The following GSE1 variants were observed in gnomAD, a reference collection of about 807,000 sequenced individuals.
The protein encoded by GSE1 is genetic suppressor element 1.
A neutral mutation model predicts 112.6 loss-of-function variants in GSE1; 32 were observed. The observed-to-expected ratio is 0.28, with a 90% CI of 0.21 to 0.38. The LOEUF (loss-of-function observed/expected upper bound fraction) is 0.38. GSE1 is among the 10% of genes least tolerant of loss of function. The probability of loss-of-function intolerance (pLI) is 1.00; values close to 1 mark genes in which losing one functional copy is unlikely to be tolerated. For synonymous variants in GSE1, 1,115 were observed against 735.6 expected, an observed-to-expected ratio of 1.52 and a Z score of -8.35; for missense variants, 2,348 against 1,699.2, an observed-to-expected ratio of 1.38 and a Z score of -6.71.
At chr16:85,285,228 G>T (rs1414341565) in intron 1 of GSE1, 1 of 152,168 alleles carries the variant, frequency 6.6e-6, no homozygotes, top group Non-Finnish European at 1.5e-5. Context: ...GTCATTTCTG[G>T]GGTTCTTCCT....
rs1176567743 is a variant in GSE1, at chr16:85,441,041, G to A, written c.2464+83398G>A. On this transcript the variant is annotated intron_variant, in intron 2 of 2. Transcript: ENST00000637419. ...CACACCTGAGGAACGAGGGGCTGGC[G>A]GGGAGATGGGTGGCAGCTGATCCCA... Among the ~76,000 whole-genome samples, 11 of 152,216 alleles carry A rather than the reference G, an allele frequency of 7.2e-5. No individual in the cohort carries two copies. The East Asian group carries it at 1.5e-3, about 21-fold the overall frequency.
At chr16:85,601,492 C>G (rs2047462277) in intron 1 of GSE1, among the ~76,000 whole-genome samples, 1 of 152,042 alleles carries the variant, frequency 6.6e-6, no homozygotes, top group African/African-American at 2.4e-5. Context: ...TGGCAAGAGG[C>G]AGAGCTGAGG....
chr16:85,244,137 T>C (rs895386425), intron 1 of GSE1, among the ~76,000 whole-genome samples: 1 of 151,678 alleles, frequency 6.6e-6, no homozygotes, highest in Non-Finnish European at 1.5e-5. Context: ...CAAAAAAAAG[T>C]GGGGGGCATT....
At chr16:85,404,125 C>G (rs1393053927) in intron 2 of GSE1, among the ~76,000 whole-genome samples, 10 of 131,572 alleles carry the variant, frequency 7.6e-5, no homozygotes, top group African/African-American at 2.6e-4. Flanking sequence ...CTGTTACACT[C>G]AGGGCCCCCC....
At chr16:85,320,222 G>A (rs1162240725) in intron 1 of GSE1, among the ~76,000 whole-genome samples, 1 of 152,216 alleles carries the variant, frequency 6.6e-6, no homozygotes. Context: ...CCACCCAGCA[G>A]GGCCCTGGTC....
rs537301878 is a variant in GSE1 at position 85,650,647 on chromosome 16, C to T, written c.426+1896C>T. ...CAGGCCCGCCCCAGCAGTGTACCAC[C>T]GCGGCGCTTAATGGAACACGGTGCC... On this transcript the variant is annotated intron_variant, in intron 3 of 15. Transcript: ENST00000253458. 3.3e-5 allele frequency among the ~76,000 whole-genome samples: 5 copies of T among 152,322 alleles called. No individual in the cohort carries two copies. The South Asian group carries it at 6.2e-4, about 19-fold the overall frequency.
At chr16:85,638,204 A>G (rs2151790395) in intron 2 of GSE1, among the ~76,000 whole-genome samples, 1 of 152,360 alleles carries the variant, frequency 6.6e-6, no homozygotes, top group South Asian at 2.1e-4. Flanking sequence ...GTGTAGTTTA[A>G]AAATTCAATT....
At chr16:85,178,584 G>T (rs1004649607) in intron 1 of GSE1, among the ~76,000 whole-genome samples, 5 of 152,024 alleles carry the variant, frequency 3.3e-5, no homozygotes, top group Non-Finnish European at 7.4e-5. Flanking sequence ...AACTGCTGAC[G>T]GACGGCATCG....
intron 1 of GSE1, among the ~76,000 whole-genome samples, chr16:85,559,710 T>A (rs1314058636): frequency 6.6e-6 from 1 of 152,236 alleles, no homozygotes; most frequent in Non-Finnish European, 1.5e-5. Context: ...CAATTGAGTC[T>A]GTTTTCCCAT....
chr16:85,613,960 G>A (rs1416633017), intron 1 of GSE1, among the ~76,000 whole-genome samples: 2 of 151,458 alleles, frequency 1.3e-5, no homozygotes, highest in Admixed American at 1.3e-4. Context: ...TTGGTCGGGA[G>A]GGCGGGACCG....
At chr16:85,475,113 C>G (rs752495244) in intron 2 of GSE1, among the ~76,000 whole-genome samples, 1 of 152,194 alleles carries the variant, frequency 6.6e-6, no homozygotes. Context: ...CCTGCTCTGA[C>G]GGGCAGTCCC....
intron 1 of GSE1, among the ~76,000 whole-genome samples, chr16:85,261,705 C>T (rs1907701189): frequency 6.6e-6 from 1 of 152,206 alleles, no homozygotes; most frequent in Non-Finnish European, 1.5e-5. Flanking sequence ...CAGATGCTTT[C>T]GGACAGATCA....
intron 2 of GSE1, among the ~76,000 whole-genome samples, chr16:85,638,528 C>T (rs918231153): frequency 5.9e-5 from 9 of 152,200 alleles, no homozygotes; most frequent in African/African-American, 1.2e-4. Context: ...TCTGAGCTTC[C>T]ACTTTTTCTT....
At chr16:85,517,877 A>C (rs2052006391) in intron 2 of GSE1, among the ~76,000 whole-genome samples, 1 of 152,228 alleles carries the variant, frequency 6.6e-6, no homozygotes, top group Admixed American at 6.5e-5. Context: ...GTGGTCGCGA[A>C]AGGCCTTGCG....
chr16:85,315,552 C>T (rs1282095940), intron 1 of GSE1, among the ~76,000 whole-genome samples: 3 of 152,030 alleles, frequency 2.0e-5, no homozygotes, highest in Admixed American at 1.3e-4. Flanking sequence ...TCGTTCATTC[C>T]GTGGGACAGT....
intron 1 of GSE1, among the ~76,000 whole-genome samples, chr16:85,255,174 C>T (rs1906935646): frequency 6.6e-6 from 1 of 152,336 alleles, no homozygotes; most frequent in Admixed American, 6.5e-5. Context: ...AGAAGCCCAG[C>T]CTGCTGTCCA....
At chr16:85,251,339 T>A (rs904489517) in intron 1 of GSE1, among the ~76,000 whole-genome samples, 12 of 152,214 alleles carry the variant, frequency 7.9e-5, no homozygotes, top group African/African-American at 2.9e-4. Context: ...CACCACCGTG[T>A]CCCAGCACCC....
intron 1 of GSE1, chr16:85,592,802 GGAT>G (rs1457210373): frequency 6.6e-6 from 1 of 152,472 alleles, no homozygotes; most frequent in African/African-American, 2.4e-5. Flanking sequence ...CAGTCAATAG[GGAT>G]GATGACGGCA....
chr16:85,463,581 C>A (rs942005341), intron 2 of GSE1, among the ~76,000 whole-genome samples: 3 of 152,158 alleles, frequency 2.0e-5, no homozygotes, highest in African/African-American at 7.2e-5. Flanking sequence ...GACTTCGTGC[C>A]CTCTTGCTTG....
Sources: gnomAD v4.1 joint callset for allele counts (sites outside exome capture counted in the v4.1 genomes callset) on GRCh38, gnomAD v4.1.1 for gene constraint, MANE v1.5 for transcripts, NCBI Gene and HGNC (gene_info 2026-07-23, HGNC 2026-07-21) for gene names.